The following EDIL3 variants were observed in gnomAD, a reference collection of about 807,000 sequenced individuals.
EDIL3 encodes the protein EGF-like repeat and discoidin I-like domain-containing protein 3.
EDIL3 carries 37 observed loss-of-function variants against 67.4 expected under a neutral mutation model. That is an observed-to-expected ratio of 0.55 (90% CI 0.42 to 0.72). The LOEUF (loss-of-function observed/expected upper bound fraction) is 0.72. Among genes scored for constraint, EDIL3 ranks in the 30% least tolerant of loss-of-function variants. The pLI is 0.00. For missense variants in EDIL3, 527 were observed against 586.3 expected, an observed-to-expected ratio of 0.90 and a Z score of 1.04; for synonymous variants, 195 against 196.3, an observed-to-expected ratio of 0.99 and a Z score of 0.05.
chr5:84,044,592 G>A (rs1168440219), intron 9 of EDIL3, among the ~76,000 whole-genome samples: 3 of 152,142 alleles, frequency 2.0e-5, no homozygotes, highest in Non-Finnish European at 2.9e-5. Context: ...TGGGTCTGTC[G>A]TCAGAAGAAC....
chr5:84,356,082 A>G (rs1271276768), intron 1 of EDIL3, among the ~76,000 whole-genome samples: 1 of 152,210 alleles, frequency 6.6e-6, no homozygotes, highest in Non-Finnish European at 1.5e-5. Flanking sequence ...TTTTACTACT[A>G]TGAAATTATA....
chr5:84,208,057 T>A (rs1255282356), intron 3 of EDIL3, among the ~76,000 whole-genome samples: 49 of 146,786 alleles, frequency 3.3e-4, no homozygotes, highest in African/African-American at 1.0e-3. Context: ...GGGATCTAAT[T>A]AAACTAAAGA....
intron 1 of EDIL3, among the ~76,000 whole-genome samples, chr5:84,282,736 A>G (rs1025020827): frequency 6.6e-6 from 1 of 152,214 alleles, no homozygotes; most frequent in African/African-American, 2.4e-5. Flanking sequence ...TCTACTGCTT[A>G]TATCCCAGCT....
At chr5:84,167,736 C>A (rs571887894) in intron 4 of EDIL3, among the ~76,000 whole-genome samples, 3 of 152,144 alleles carry the variant, frequency 2.0e-5, no homozygotes, top group African/African-American at 7.2e-5. Context: ...TATTCTAAAA[C>A]CAAGGAAACC....
chr5:84,097,740 C>CAT (rs1446075647), intron 6 of EDIL3, among the ~76,000 whole-genome samples: 1 of 151,194 alleles, frequency 6.6e-6, no homozygotes, highest in Non-Finnish European at 1.5e-5. Flanking sequence ...CACATAAACA[C>CAT]ATATATATAA....
rs530124020 is a variant in EDIL3, at chr5:84,141,193, T to C, written c.356-3839A>G. On this transcript the variant is annotated intron_variant, in intron 4 of 10. Coordinates refer to ENST00000296591, the MANE Select transcript of EDIL3 (RefSeq NM_005711.5). ...GAAAAAACTGATAAAGTAGCCCCCA[T>C]ATGAAATAGAAATTTCCATATTTGG... 1.8e-4 allele frequency among the ~76,000 whole-genome samples: 28 copies of C among 151,920 alleles called. No individual in the cohort carries two copies. The East Asian group carries it at 4.4e-3, about 24-fold the overall frequency.
In EDIL3 at chr5:84,022,260, G is replaced by C. The variant is rs147998286; in HGVS notation, c.1137+38040C>G. Reference sequence around the variant, plus strand: ...CCAGGGATGCAAAGATTTATAATGAGGATGTGTGAATCAATCAACATGATA... The same window carrying C: ...CCAGGGATGCAAAGATTTATAATGACGATGTGTGAATCAATCAACATGATA... On this transcript the variant is annotated intron_variant, in intron 9 of 10. Coordinates refer to ENST00000296591, the MANE Select transcript of EDIL3 (RefSeq NM_005711.5). Among the ~76,000 whole-genome samples the C allele has an allele frequency of 6.0e-3, 909 of 151,912 alleles. 12 individuals are homozygous for C. Among genetic ancestry groups the C allele is most frequent in the African/African-American group, 0.021 (859 of 41,510 alleles).
At chr5:84,293,563 T>G (rs1745971457) in intron 1 of EDIL3, among the ~76,000 whole-genome samples, 1 of 152,032 alleles carries the variant, frequency 6.6e-6, no homozygotes, top group South Asian at 2.1e-4. Flanking sequence ...TCCATCCGCA[T>G]GTGTCCCAGT....
At chr5:84,193,776 T>C (rs1312985825) in intron 3 of EDIL3, among the ~76,000 whole-genome samples, 2 of 152,000 alleles carry the variant, frequency 1.3e-5, no homozygotes, top group Non-Finnish European at 2.9e-5. Context: ...TTTGGAATGA[T>C]GTTATGCTCC....
chr5:84,031,067 G>T (rs1316513895), intron 9 of EDIL3, among the ~76,000 whole-genome samples: 28 of 152,050 alleles, frequency 1.8e-4, no homozygotes, highest in Non-Finnish European at 1.5e-5. Flanking sequence ...TTCCTGTGTG[G>T]GTGTCTGTGT....
At chr5:83,962,927 A>G (rs1288425239) in intron 10 of EDIL3, among the ~76,000 whole-genome samples, 2 of 151,670 alleles carry the variant, frequency 1.3e-5, no homozygotes, top group South Asian at 2.1e-4. Flanking sequence ...TATCACCTTT[A>G]TAAACTATTA....
intron 5 of EDIL3, among the ~76,000 whole-genome samples, chr5:84,113,530 C>T (rs911731653): frequency 1.4e-4 from 22 of 152,074 alleles, no homozygotes; most frequent in Admixed American, 1.0e-3. Flanking sequence ...TCTGCTTTGG[C>T]CAAGAGGGAT....
intron 9 of EDIL3, among the ~76,000 whole-genome samples, chr5:84,015,455 T>C (rs1429446665): frequency 6.6e-6 from 1 of 152,174 alleles, no homozygotes; most frequent in Non-Finnish European, 1.5e-5. Flanking sequence ...TTATCATTTT[T>C]CAAAGATTGC....
At chr5:84,001,316 T>C (rs1745327136) in intron 9 of EDIL3, among the ~76,000 whole-genome samples, 1 of 152,110 alleles carries the variant, frequency 6.6e-6, no homozygotes, top group African/African-American at 2.4e-5. Flanking sequence ...CACAAAACGC[T>C]GGGACTCACA....
chr5:84,133,271 A>C (rs753465959), intron 5 of EDIL3, among the ~76,000 whole-genome samples: 32 of 152,020 alleles, frequency 2.1e-4, no homozygotes, highest in Non-Finnish European at 3.1e-4. Flanking sequence ...CCAATTCATC[A>C]TCATTTTCAA....
At chr5:84,042,407 G>A (rs1331340424) in intron 9 of EDIL3, among the ~76,000 whole-genome samples, 3 of 151,760 alleles carry the variant, frequency 2.0e-5, no homozygotes, top group East Asian at 1.9e-4. Flanking sequence ...TCAGCCCCCC[G>A]AGTAGTTGAG....
intron 9 of EDIL3, among the ~76,000 whole-genome samples, chr5:84,004,328 C>A (rs553670260): frequency 1.3e-5 from 2 of 152,046 alleles, no homozygotes; most frequent in African/African-American, 4.8e-5. Context: ...ATGGACCTAA[C>A]AGACAACTGT....
In EDIL3 at chr5:84,213,967, G is replaced by A. The variant is rs537129203; in HGVS notation, c.226+15888C>T. Among the ~76,000 whole-genome samples the A allele has an allele frequency of 1.7e-4, 26 of 152,208 alleles. No homozygotes were observed. In the South Asian group the frequency reaches 5.4e-3, roughly 32 times the overall value. On this transcript the variant is annotated intron_variant, in intron 3 of 10. Transcript: ENST00000296591. ...GGACCTCAAACTTAGGAAGCCAAGT[G>A]GATTTGCAGGCTTGCCCCTTCCCCC...
At chr5:84,321,119 C>T (rs531162105) in intron 1 of EDIL3, among the ~76,000 whole-genome samples, 1 of 152,184 alleles carries the variant, frequency 6.6e-6, no homozygotes, top group East Asian at 1.9e-4. Context: ...TACATGTTTA[C>T]CTTTTTATTT....
Sources: allele counts gnomAD v4.1 joint callset (sites outside exome capture counted in the v4.1 genomes callset), GRCh38; gene constraint gnomAD v4.1.1; transcripts MANE v1.5; gene names NCBI Gene and HGNC (gene_info 2026-07-23, HGNC 2026-07-21).